BLM: variants seen among roughly 807,000 people sequenced by gnomAD.
BLM encodes recQ-like DNA helicase BLM.
A neutral mutation model predicts 135.3 loss-of-function variants in BLM; 95 were observed. The ratio of observed to expected loss-of-function variants is 0.70; its 90% CI spans 0.59 to 0.83. The LOEUF (loss-of-function observed/expected upper bound fraction) is 0.83. Ranked by LOEUF, BLM falls within the 40% of genes least tolerant of loss-of-function variation. The pLI is 0.00. For synonymous variants in BLM, 520 were observed against 589.2 expected, an observed-to-expected ratio of 0.88 and a Z score of 1.70; for missense variants, 1,518 against 1,663.9, an observed-to-expected ratio of 0.91 and a Z score of 1.53.
rs10600094 is a variant in BLM at position 90,799,626 on chromosome 15, T to TAA, written c.3358+1313_3358+1314dup. Among the ~76,000 whole-genome samples the TAA allele has an allele frequency of 3.3e-4, 36 of 108,710 alleles. 1 individual carries two copies. The highest frequency in any genetic ancestry group is 1.3e-3 in the African/African-American group (35 of 26,804). 71.3% of individuals were successfully genotyped at this position (108,710 alleles called of 152,430 possible). On this transcript the variant is annotated intron_variant, in intron 17 of 21. Transcript: ENST00000355112. ...CACTGAATGCCAAATAAGATGCCTGTAAAAAAAAAAAAAAAAAAAAAAAAA... is the reference window on the plus strand; with the variant it reads ...CACTGAATGCCAAATAAGATGCCTGTAAAAAAAAAAAAAAAAAAAAAAAAAAA...
At chr15:90,720,496 T>G (rs1488804557) in intron 1 of BLM, among the ~76,000 whole-genome samples, 2 of 152,240 alleles carry the variant, frequency 1.3e-5, no homozygotes, top group African/African-American at 4.8e-5. Context: ...CTTTCCAAAT[T>G]TCAGCTATAA....
rs145310008 is a variant in BLM at position 90,815,092 on chromosome 15, C to T, written c.4077-10C>T. 4.2e-4 allele frequency: 678 copies of T among 1,613,468 alleles called. 4 individuals carry two copies. In the African/African-American group the frequency reaches 8.0e-3, roughly 19 times the overall value. ...TTAACATTTTGATTTTTTTCTTTGT[C>T]ACATTTCAGGGGGTCTGCCACATGT... On this transcript the variant is annotated splice_polypyrimidine_tract_variant and intron_variant, in intron 21 of 21. Coordinates refer to ENST00000355112, the MANE Select transcript of BLM (RefSeq NM_000057.4). This position sits in a 1 kb window ranked among gnomAD's most constrained non-coding sequence, Gnocchi z 4.6.
At chr15:90,732,848 C>T (rs1045676751) in intron 1 of BLM, among the ~76,000 whole-genome samples, 11 of 152,186 alleles carry the variant, frequency 7.2e-5, no homozygotes, top group Non-Finnish European at 1.6e-4. Context: ...GTAATCCCAG[C>T]ACTTTGGGAG....
intron 7 of BLM, 110 bp from the exon 8 acceptor site, chr15:90,762,856 G>A (rs902582811): frequency 7.8e-6 from 8 of 1,028,360 alleles, no homozygotes; most frequent in Non-Finnish European, 1.1e-5. Context: ...TTTAAGAACT[G>A]TGCTGCAGGG....
chr15:90,774,115 C>T (rs1896405806), intron 12 of BLM, among the ~76,000 whole-genome samples: 1 of 144,676 alleles, frequency 6.9e-6, no homozygotes, highest in Non-Finnish European at 1.5e-5. Flanking sequence ...CACTCTGTCA[C>T]CCAGGCTGGA....
intron 19 of BLM, among the ~76,000 whole-genome samples, chr15:90,805,268 A>C (rs1487011955): frequency 6.6e-6 from 1 of 151,502 alleles, no homozygotes; most frequent in Non-Finnish European, 1.5e-5. Context: ...TATGTATGTT[A>C]TATATGGTAT....
chr15:90,730,678 C>T (rs923251165), intron 1 of BLM, among the ~76,000 whole-genome samples: 8 of 152,096 alleles, frequency 5.3e-5, no homozygotes, highest in African/African-American at 1.9e-4. Flanking sequence ...GAACTCCTGA[C>T]CTTGTGATCT....
rs371682827 is a variant in BLM, at chr15:90,760,667, C to T, written c.1294C>T (p.Pro432Ser). The change falls in exon 7 of 22, where the codon CCT (proline) becomes TCT (serine). Residue 432 changes from proline to serine, a missense_variant. Pro to Ser is a moderately conservative substitution (Grantham distance 74). Coordinates refer to ENST00000355112, the MANE Select transcript of BLM (RefSeq NM_000057.4). ...TCTTGGCTCATTGTGGAGATACAGG[C>T]CTGATTCACTTGATGGCCCTATGGA... is the stretch of plus-strand genomic sequence containing the variant. Reference protein sequence around the residue: ...SLLGSLWRYRPDSLDGPMEGD... With the variant: ...SLLGSLWRYRSDSLDGPMEGD... 1 of 1,613,804 alleles carries T rather than the reference C, an allele frequency of 6.2e-7. No homozygotes were observed. The highest frequency in any genetic ancestry group is 1.3e-5 in the African/African-American group (1 of 74,896).
chr15:90,809,991 A>T (rs1045933784), intron 20 of BLM, among the ~76,000 whole-genome samples: 5 of 152,052 alleles, frequency 3.3e-5, no homozygotes, highest in African/African-American at 9.7e-5. Context: ...CTGCTTCCAG[A>T]CAGGCAGTGT....
At chr15:90,749,278 G>C (rs1192423400) in intron 2 of BLM, 89 bp from the exon 3 acceptor site, 21 of 894,976 alleles carry the variant, frequency 2.3e-5, no homozygotes, top group Non-Finnish European at 3.4e-5. Context: ...AATGTAACCT[G>C]TGTGAATTAG....
At chr15:90,757,021 A>G (rs1895836989) in intron 5 of BLM, among the ~76,000 whole-genome samples, 1 of 152,184 alleles carries the variant, frequency 6.6e-6, no homozygotes, top group Admixed American at 6.5e-5. Context: ...AATGATAACT[A>G]TTGTTATCTG....
chr15:90,770,398 G>A lies in BLM; in HGVS notation c.2555+812G>A, dbSNP rs28385048. Reference sequence around the variant, plus strand: ...TCACTGTCTTAGCCAGGAGGGTCTCGATCTCCTGACCTCGTGATCCGCCCG... The same window carrying A: ...TCACTGTCTTAGCCAGGAGGGTCTCAATCTCCTGACCTCGTGATCCGCCCG... On this transcript the variant is annotated intron_variant, in intron 12 of 21. Transcript: ENST00000355112. Among the ~76,000 whole-genome samples the A allele has an allele frequency of 1.0e-2, 1,516 of 152,158 alleles. 15 individuals are homozygous for A. Among genetic ancestry groups the A allele is most frequent in the Non-Finnish European group, 0.016 (1,085 of 67,990 alleles).
intron 12 of BLM, among the ~76,000 whole-genome samples, chr15:90,773,359 G>C (rs1896379192): frequency 6.6e-6 from 1 of 152,100 alleles, no homozygotes; most frequent in Non-Finnish European, 1.5e-5. Context: ...GGCGGAGGTT[G>C]CAGTGATCCA....
At chr15:90,795,198 G>A (rs1897001235) in intron 16 of BLM, among the ~76,000 whole-genome samples, 2 of 152,204 alleles carry the variant, frequency 1.3e-5, no homozygotes, top group Admixed American at 6.5e-5. Context: ...TAACACTCTG[G>A]CTTGGCGCAG....
intron 1 of BLM, among the ~76,000 whole-genome samples, chr15:90,740,597 C>G (rs28745021): frequency 0.017 from 2,644 of 152,212 alleles, 86 homozygotes; most frequent in African/African-American, 0.061. Context: ...GCATATATAG[C>G]TAGGAGTGAA....
At chr15:90,743,155 C>T (rs1205385743) in intron 1 of BLM, among the ~76,000 whole-genome samples, 1 of 151,498 alleles carries the variant, frequency 6.6e-6, no homozygotes, top group Non-Finnish European at 1.5e-5. Flanking sequence ...TGCCACCATG[C>T]CTGGCTAAAG....
intron 1 of BLM, among the ~76,000 whole-genome samples, chr15:90,735,724 A>G (rs1400744574): frequency 6.6e-6 from 1 of 152,174 alleles, no homozygotes; most frequent in Non-Finnish European, 1.5e-5. Flanking sequence ...TACTAGAAGA[A>G]TACATAGATG....
At chr15:90,795,719 C>T (rs1216062323) in intron 16 of BLM, among the ~76,000 whole-genome samples, 1 of 152,148 alleles carries the variant, frequency 6.6e-6, no homozygotes, top group Non-Finnish European at 1.5e-5. Flanking sequence ...AATCCCTGCC[C>T]TTGTGGAGCT....
At chr15:90,725,952 C>A (rs912352809) in intron 1 of BLM, among the ~76,000 whole-genome samples, 1 of 151,944 alleles carries the variant, frequency 6.6e-6, no homozygotes, top group African/African-American at 2.4e-5. Context: ...TCTACTTTGG[C>A]TTTTTAAGTG....
Sources: gnomAD v4.1 joint callset for allele counts (sites outside exome capture counted in the v4.1 genomes callset) on GRCh38, gnomAD v4.1.1 for gene constraint, Gnocchi (gnomAD v3.1) non-coding constraint, MANE v1.5 for transcripts, NCBI Gene and HGNC (gene_info 2026-07-23, HGNC 2026-07-21) for gene names.